The following GIGYF2 variants were observed in gnomAD, a reference collection of about 807,000 sequenced individuals.
The protein encoded by GIGYF2 is GRB10-interacting GYF protein 2.
In GIGYF2, 25 loss-of-function variants were observed where a neutral mutation model predicts 208.1. The ratio of observed to expected loss-of-function variants is 0.12; its 90% CI spans 0.09 to 0.17. The LOEUF is 0.17. GIGYF2 is among the 10% of genes least tolerant of loss of function. The pLI is 1.00. For missense variants in GIGYF2, 1,302 were observed against 1,579.4 expected (o/e 0.82, Z 2.98); for synonymous variants, 534 against 543.8 (o/e 0.98, Z 0.25).
chr2:232,804,964 A>G (rs974799341), intron 14 of GIGYF2, among the ~76,000 whole-genome samples: 1 of 150,868 alleles, frequency 6.6e-6, no homozygotes, highest in Non-Finnish European at 1.5e-5. Context: ...GAAACATACT[A>G]TATGTGATTT....
At chr2:232,787,051 A>G (rs1699936487) in intron 8 of GIGYF2, 99 bp from the exon 9 acceptor site, 1 of 816,746 alleles carries the variant, frequency 1.2e-6, no homozygotes, top group Admixed American at 1.8e-5. Flanking sequence ...ATTGAAATGG[A>G]CCCATTTGCA....
intron 28 of GIGYF2, among the ~76,000 whole-genome samples, chr2:232,853,376 A>C (rs1040596365): frequency 6.6e-6 from 1 of 152,140 alleles, no homozygotes. Context: ...TCCCGGGTTC[A>C]AGTGATTTCC....
At chr2:232,816,732 A>G (rs551410012) in intron 19 of GIGYF2, 139 bp from the exon 20 acceptor site, 41 of 714,152 alleles carry the variant, frequency 5.7e-5, no homozygotes, top group Middle Eastern at 3.5e-4. Context: ...TTGTTTATCT[A>G]TTGATCTGTT....
chr2:232,721,652 G>A (rs565427295), intron 2 of GIGYF2, among the ~76,000 whole-genome samples: 33 of 152,152 alleles, frequency 2.2e-4, no homozygotes, highest in Non-Finnish European at 3.5e-4. Context: ...GATCATACAC[G>A]GTCAGGTTAG....
chr2:232,795,936 A>G (rs1444781306), intron 13 of GIGYF2, 126 bp from the exon 14 acceptor site: 6 of 728,458 alleles, frequency 8.2e-6, no homozygotes, highest in East Asian at 2.6e-5. Flanking sequence ...GTTACCTGCT[A>G]TGTTCTTTGC....
chr2:232,768,879 G>T, intron 8 of GIGYF2: 1 of 1,367,912 alleles, frequency 7.3e-7, no homozygotes, highest in Non-Finnish European at 1.0e-6. Flanking sequence ...TTTTCTGAAT[G>T]ACAAGTGTAT....
intron 7 of GIGYF2, 97 bp from the exon 8 acceptor site, chr2:232,761,299 G>A: frequency 2.6e-6 from 2 of 775,728 alleles, no homozygotes; most frequent in Admixed American, 1.9e-5. Context: ...GTAATTTGAA[G>A]AAGAAATGCT....
At chr2:232,725,361 T>C (rs1697148416) in intron 2 of GIGYF2, among the ~76,000 whole-genome samples, 2 of 152,238 alleles carry the variant, frequency 1.3e-5, no homozygotes, top group Non-Finnish European at 2.9e-5. Flanking sequence ...CCTAGGTCTT[T>C]CTTCTTTACC....
rs78115582 is a variant in GIGYF2, at chr2:232,699,551, T to C, written c.-110+2159T>C. On this transcript the variant is annotated intron_variant, in intron 1 of 28. Transcript: ENST00000373563. ...TTAGGATGCTCAGTATTTCAGGAAATTATAATGAATTATCTTTCTCAAAAG... is the reference window on the plus strand; with the variant it reads ...TTAGGATGCTCAGTATTTCAGGAAACTATAATGAATTATCTTTCTCAAAAG... 3.3e-5 allele frequency among the ~76,000 whole-genome samples: 5 copies of C among 152,320 alleles called. No homozygotes were observed. In the East Asian group the frequency reaches 9.6e-4, roughly 29 times the overall value.
intron 2 of GIGYF2, among the ~76,000 whole-genome samples, chr2:232,712,615 A>G (rs1489763270): frequency 6.6e-6 from 1 of 152,138 alleles, no homozygotes; most frequent in East Asian, 1.9e-4. Context: ...TGCAAATAAT[A>G]TTTTGGTTTT....
intron 2 of GIGYF2, among the ~76,000 whole-genome samples, chr2:232,704,165 T>C (rs6747479): frequency 0.19 from 29,414 of 152,040 alleles, 3,098 homozygotes; most frequent in Non-Finnish European, 0.22. Flanking sequence ...AAGGTCCCAC[T>C]CCTAATGGTG....
chr2:232,771,441 A>G (rs1193599696), intron 8 of GIGYF2: 1 of 1,097,778 alleles, frequency 9.1e-7, no homozygotes, highest in Admixed American at 2.3e-5. Context: ...GTGAATTTGG[A>G]GAGCTCATGG....
At chr2:232,821,173 C>T (rs1701070020) in intron 21 of GIGYF2, among the ~76,000 whole-genome samples, 1 of 151,300 alleles carries the variant, frequency 6.6e-6, no homozygotes, top group Non-Finnish European at 1.5e-5. Flanking sequence ...TGACAATGTC[C>T]AATTTATCTT....
At chr2:232,833,259 C>G (rs1701480343) in intron 22 of GIGYF2, 166 bp downstream of exon 22, 6 of 292,878 alleles carry the variant, frequency 2.0e-5, no homozygotes, top group Non-Finnish European at 3.0e-5. Flanking sequence ...TCCCATCACC[C>G]AGGCTGGAGT....
chr2:232,818,207 A>G (rs1700971635), intron 20 of GIGYF2, among the ~76,000 whole-genome samples: 1 of 152,198 alleles, frequency 6.6e-6, no homozygotes, highest in Admixed American at 6.5e-5. Flanking sequence ...ATCTTTGGCT[A>G]AGACTTCTGC....
chr2:232,747,396 A>G (rs752540433), intron 3 of GIGYF2, among the ~76,000 whole-genome samples: 1 of 152,126 alleles, frequency 6.6e-6, no homozygotes, highest in Non-Finnish European at 1.5e-5. Flanking sequence ...CTTTTAAGTT[A>G]AGGAATTGCC....
chr2:232,732,130 G>A (rs1048450423), intron 2 of GIGYF2, among the ~76,000 whole-genome samples: 6 of 152,118 alleles, frequency 3.9e-5, no homozygotes, highest in Admixed American at 2.0e-4. Flanking sequence ...GTAGTTAAGG[G>A]AATTCTCTAT....
chr2:232,726,451 G>C (rs1347386435), intron 2 of GIGYF2, among the ~76,000 whole-genome samples: 1 of 151,820 alleles, frequency 6.6e-6, no homozygotes, highest in Non-Finnish European at 1.5e-5. Context: ...TTTAAAAAGA[G>C]CAAAGTAAAT....
chr2:232,753,113 T>G (rs902383570), intron 5 of GIGYF2, among the ~76,000 whole-genome samples: 1 of 149,786 alleles, frequency 6.7e-6, no homozygotes, highest in Non-Finnish European at 1.5e-5. Flanking sequence ...ATTTATTTAT[T>G]TATTTATTTA....
Sources: allele counts gnomAD v4.1 joint callset (sites outside exome capture counted in the v4.1 genomes callset), GRCh38; gene constraint gnomAD v4.1.1; transcripts MANE v1.5; gene names NCBI Gene and HGNC (gene_info 2026-07-23, HGNC 2026-07-21).